Variants in AADAT observed in about 807,000 individuals in gnomAD.
The protein encoded by AADAT is aminoadipate aminotransferase.
AADAT carries 25 observed loss-of-function variants against 56.2 expected under a neutral mutation model. The ratio of observed to expected loss-of-function variants is 0.44; its 90% CI spans 0.32 to 0.62. The LOEUF is 0.62. AADAT is among the 20% of genes least tolerant of loss of function. The pLI, the probability that AADAT is intolerant of heterozygous loss-of-function variation, is 0.04. For synonymous variants in AADAT, 173 were observed against 164.7 expected, an observed-to-expected ratio of 1.05 and a Z score of -0.39; for missense variants, 387 against 510.5, an observed-to-expected ratio of 0.76 and a Z score of 2.33.
rs1302880252 is a variant in AADAT at position 170,060,945 on chromosome 4, T to C, written c.1261A>G (p.Ile421Val). The change falls in exon 13 of 13, where the codon ATA becomes GTA. Residue 421 changes from isoleucine to valine, a missense_variant. Transcript: ENST00000337664. ...TAATTTCTTCATAAAGATTCTTTTA[T>C]AAGTTGTGCTAATACCTGGAAGGCC... ...DVAFQVLAQL[I>V]KESL The C allele has an allele frequency of 1.3e-6, 2 of 1,541,774 alleles. No homozygotes were observed. The highest frequency in any genetic ancestry group is 1.7e-6 in the Non-Finnish European group (2 of 1,143,446).
In AADAT at chr4:170,067,406, A is replaced by G. The variant is rs772723187; in HGVS notation, c.901-18T>C. On this transcript the variant is annotated intron_variant, in intron 8 of 12. Transcript: ENST00000337664. ...ATCATGAGCTAAAAGAGATAAAATC[A>G]TAAATACCATGTTTCATCCCCTGAA... 1 of 1,604,032 alleles carries G rather than the reference A, an allele frequency of 6.2e-7. No individual in the cohort carries two copies. The highest frequency in any genetic ancestry group is 8.5e-7 in the Non-Finnish European group (1 of 1,173,652).
At chr4:170,073,700 C>T (rs1731891482) in intron 4 of AADAT, among the ~76,000 whole-genome samples, 1 of 151,984 alleles carries the variant, frequency 6.6e-6, no homozygotes, top group Non-Finnish European at 1.5e-5. Context: ...GGGGTTTCAC[C>T]ATGTTAGCCA....
At chr4:170,066,616 AT>A in intron 9 of AADAT, 138 bp from the exon 10 acceptor site, 1 of 635,748 alleles carries the variant, frequency 1.6e-6, no homozygotes, top group Non-Finnish European at 2.8e-6. Flanking sequence ...AATGGAGCAT[AT>A]TTGTTTCACT....
At chr4:170,070,675 T>C in intron 5 of AADAT, 23 bp from the exon 6 acceptor site, 2 of 1,432,250 alleles carry the variant, frequency 1.4e-6, no homozygotes, top group Non-Finnish European at 1.9e-6. Flanking sequence ...GAAGTAATTG[T>C]TTATTTCTTA....
At chr4:170,093,271 A>T (rs1732920910), upstream of AADAT, among the ~76,000 whole-genome samples, 1 of 152,106 alleles carries the variant, frequency 6.6e-6, no homozygotes, top group Non-Finnish European at 1.5e-5. Context: ...TCTACTAAAA[A>T]ATACAAAAAT....
intron 11 of AADAT, among the ~76,000 whole-genome samples, chr4:170,064,459 C>T (rs189517605): frequency 2.0e-5 from 3 of 152,286 alleles, no homozygotes; most frequent in Admixed American, 1.3e-4. Context: ...GGTGTGGCTC[C>T]GGAGACTACC....
chr4:170,080,863 A>G (rs187968100), intron 3 of AADAT, among the ~76,000 whole-genome samples: 12 of 152,312 alleles, frequency 7.9e-5, no homozygotes, highest in African/African-American at 2.9e-4. Context: ...ACTAGAATAA[A>G]TAACTAATCC....
At chr4:170,073,445 C>G in intron 4 of AADAT, 100 bp from the exon 5 acceptor site, 1 of 1,039,056 alleles carries the variant, frequency 9.6e-7, no homozygotes, top group Non-Finnish European at 1.4e-6. Flanking sequence ...CTCATTCATA[C>G]CCTTAAAAAT....
chr4:170,092,372 G>GCT (rs1199794117), upstream of AADAT, among the ~76,000 whole-genome samples: 1 of 152,252 alleles, frequency 6.6e-6, no homozygotes, highest in East Asian at 1.9e-4. Context: ...TGTCTTAAGA[G>GCT]CTGTAACACT....
upstream of AADAT, among the ~76,000 whole-genome samples, chr4:170,091,897 G>A (rs374492505): frequency 6.6e-6 from 1 of 152,196 alleles, no homozygotes; most frequent in South Asian, 2.1e-4. Context: ...TCTAACTCAT[G>A]GTTTGTAAAT....
chr4:170,091,065 G>T (rs1732802814), upstream of AADAT, among the ~76,000 whole-genome samples: 1 of 152,248 alleles, frequency 6.6e-6, no homozygotes, highest in Non-Finnish European at 1.5e-5. Flanking sequence ...GTGACAGCCT[G>T]CTGGCAGCCC....
upstream of AADAT, chr4:170,090,247 G>C (rs1002210149): frequency 6.6e-6 from 1 of 152,198 alleles, no homozygotes; most frequent in Non-Finnish European, 1.5e-5. Context: ...AAGTGCCCGT[G>C]ATCCTAATCC....
chr4:170,088,641 CAAT>C, intron 1 of AADAT, 77 bp from the exon 2 acceptor site: 4 of 1,407,528 alleles, frequency 2.8e-6, no homozygotes, highest in Non-Finnish European at 3.9e-6. Context: ...GCATTATAGT[CAAT>C]AAAACTATAA....
intron 3 of AADAT, among the ~76,000 whole-genome samples, chr4:170,080,711 C>A (rs543263992): frequency 1.3e-5 from 2 of 152,092 alleles, no homozygotes; most frequent in Admixed American, 6.5e-5. Flanking sequence ...AGGCTGTTCT[C>A]GAATTATTTA....
chr4:170,064,594 T>C (rs1453841373), intron 11 of AADAT, 125 bp downstream of exon 11: 3 of 716,890 alleles, frequency 4.2e-6, no homozygotes, highest in Non-Finnish European at 2.3e-6. Context: ...ATATCTAATA[T>C]TAGAACATTA....
At position 170,070,665 on chromosome 4, in the gene AADAT, G is replaced by A. The variant is rs1372260335; in HGVS notation, c.655-13C>T. The stretch of plus-strand genomic sequence containing the variant: ...ATTTTCTTGCAAGCTAAAAAAGGTT[G>A]AAGTAATTGTTTATTTCTTAATCTA... On this transcript the variant is annotated splice_polypyrimidine_tract_variant and intron_variant, in intron 5 of 12. Transcript: ENST00000337664. 4.7e-6 allele frequency: 6 copies of A among 1,278,484 alleles called. No homozygotes were observed. Among genetic ancestry groups the A allele is most frequent in the Non-Finnish European group, 6.5e-6 (6 of 929,204 alleles). The allele number at this position is 1,278,484 out of a possible 1,614,324, so 79.2% of individuals were successfully genotyped here. A position where few individuals can be genotyped will look rare whatever the true frequency, so the allele number is the denominator to read the frequency against.
At chr4:170,092,628 G>C (rs921786226), upstream of AADAT, among the ~76,000 whole-genome samples, 1 of 152,206 alleles carries the variant, frequency 6.6e-6, no homozygotes. Context: ...ATGCTTCTGC[G>C]TTCAGAGACT....
chr4:170,087,890 C>A (rs1732639084), intron 2 of AADAT, among the ~76,000 whole-genome samples: 1 of 151,606 alleles, frequency 6.6e-6, no homozygotes, highest in African/African-American at 2.4e-5. Context: ...CTTGTTTAGA[C>A]TATAGAAATG....
rs1247831886 is a variant in AADAT, at chr4:170,067,380, T to C, written c.909A>G (p.Ile303Met). Residue 303 changes from isoleucine (I) to methionine (M), a missense_variant, in exon 9 of 13, where the codon ATA becomes ATG. Ile to Met is a conservative substitution (Grantham distance 10). Coordinates refer to ENST00000337664, the MANE Select transcript of AADAT (RefSeq NM_016228.4). ...CTCCCCATTCGTGTAGAAGCTGTGA[T>C]ATCATGAGCTAAAAGAGATAAAATC... ...LHPSTFNQLM[I>M]SQLLHEWGEE... 1.2e-6 allele frequency: 2 copies of C among 1,613,224 alleles called. No individual in the cohort carries two copies. The highest frequency in any genetic ancestry group is 1.7e-6 in the Non-Finnish European group (2 of 1,179,510).
Sources: gnomAD v4.1 joint callset for allele counts (sites outside exome capture counted in the v4.1 genomes callset) on GRCh38, gnomAD v4.1.1 for gene constraint, MANE v1.5 for transcripts, NCBI Gene and HGNC (gene_info 2026-07-23, HGNC 2026-07-21) for gene names.